The following DCC variants were observed in gnomAD, a reference collection of about 807,000 sequenced individuals.
DCC encodes the protein netrin receptor DCC.
Under a neutral mutation model 172.5 loss-of-function variants are expected in DCC, and 58 were observed. That is an observed-to-expected ratio of 0.34 (90% confidence interval 0.27 to 0.42). The LOEUF (loss-of-function observed/expected upper bound fraction) is 0.42, where lower values mean the gene tolerates loss of function less well. Ranked by LOEUF, DCC falls within the 10% of genes least tolerant of loss-of-function variation. DCC has a pLI of 1.00. For synonymous variants in DCC, 709 were observed against 644.5 expected (o/e 1.10, Z -1.52); for missense variants, 1,740 against 1,791.0 (o/e 0.97, Z 0.51).
intron 22 of DCC, among the ~76,000 whole-genome samples, chr18:53,437,038 C>G (rs1911985445): frequency 6.6e-6 from 1 of 152,174 alleles, no homozygotes; most frequent in African/African-American, 2.4e-5. Context: ...AAGCCTCCAC[C>G]TCTTAATGCC....
At chr18:53,145,540 T>G (rs2043899662) in intron 7 of DCC, among the ~76,000 whole-genome samples, 1 of 138,454 alleles carries the variant, frequency 7.2e-6, no homozygotes, top group African/African-American at 3.2e-5. Context: ...ACATCGACTC[T>G]GATGGTTGGT....
At chr18:53,077,982 A>G (rs953103472) in intron 7 of DCC, among the ~76,000 whole-genome samples, 1 of 152,202 alleles carries the variant, frequency 6.6e-6, no homozygotes, top group African/African-American at 2.4e-5. Context: ...CTTGAGGTGA[A>G]TATCACATAA....
rs1315090418 is a variant in DCC, at chr18:53,529,034, TCTCTCACACACACACACA to T, written c.4255-1528_4255-1511del. On this transcript the variant is annotated intron_variant, in intron 28 of 28. Transcript: ENST00000442544. Reference sequence around the variant, plus strand: ...CTCTCTCTCTCTCTCTCTCTCTCTCTCTCTCACACACACACACACACACACACACACACACACACACAC... The same window carrying T: ...CTCTCTCTCTCTCTCTCTCTCTCTCTCACACACACACACACACACACACAC... 1.7e-4 allele frequency among the ~76,000 whole-genome samples: 11 copies of T among 64,466 alleles called. No homozygotes were observed. In the East Asian group the frequency reaches 2.4e-3, roughly 14 times the overall value. 42.3% of individuals were successfully genotyped at this position (64,466 alleles called of 152,430 possible).
chr18:52,698,482 A>T (rs534870666), intron 1 of DCC, among the ~76,000 whole-genome samples: 1 of 152,136 alleles, frequency 6.6e-6, no homozygotes, highest in South Asian at 2.1e-4. Flanking sequence ...TATTGAGATG[A>T]TTGTCTACAG....
chr18:52,920,236 T>C (rs2145479552), intron 3 of DCC, among the ~76,000 whole-genome samples: 1 of 152,008 alleles, frequency 6.6e-6, no homozygotes, highest in African/African-American at 2.4e-5. Context: ...AATTAAAAAC[T>C]TATCTTCTAC....
intron 1 of DCC, among the ~76,000 whole-genome samples, chr18:52,726,622 G>T (rs568482508): frequency 6.6e-6 from 1 of 152,052 alleles, no homozygotes; most frequent in Non-Finnish European, 1.5e-5. Context: ...TATTGTTTTT[G>T]CATTGAAACC....
intron 1 of DCC, among the ~76,000 whole-genome samples, chr18:52,576,469 C>T (rs1049105524): frequency 6.6e-6 from 1 of 152,188 alleles, no homozygotes; most frequent in African/African-American, 2.4e-5. Context: ...GTTGCCAGCT[C>T]TCAGAACTTA....
intron 1 of DCC, among the ~76,000 whole-genome samples, chr18:52,639,802 C>A (rs2034854603): frequency 6.6e-6 from 1 of 152,056 alleles, no homozygotes; most frequent in African/African-American, 2.4e-5. Flanking sequence ...AGAATTGGTA[C>A]CTATTCTTGT....
At chr18:52,415,010 G>A (rs1396140758) in intron 1 of DCC, among the ~76,000 whole-genome samples, 1 of 152,178 alleles carries the variant, frequency 6.6e-6, no homozygotes, top group Non-Finnish European at 1.5e-5. Context: ...AATAAAATCT[G>A]TGCGTCTACA....
At chr18:53,468,541 C>T (rs1435655917) in intron 25 of DCC, among the ~76,000 whole-genome samples, 1 of 151,900 alleles carries the variant, frequency 6.6e-6, no homozygotes, top group African/African-American at 2.4e-5. Flanking sequence ...CACCACCATG[C>T]CCAGCTAATT....
intron 13 of DCC, among the ~76,000 whole-genome samples, chr18:53,313,989 C>A (rs1205316485): frequency 6.6e-6 from 1 of 152,204 alleles, no homozygotes; most frequent in Non-Finnish European, 1.5e-5. Flanking sequence ...GTGCCAATGT[C>A]AGTTATCACT....
rs541646232 is a variant in DCC at position 53,323,867 on chromosome 18, G to C, written c.2164+1710G>C. On this transcript the variant is annotated intron_variant, in intron 14 of 28. Transcript: ENST00000442544. ...TTTTTAAAGTCAAGACAATGATGCT[G>C]TTTGGGGACTGAAAAAGGCCATCAA... Among the ~76,000 whole-genome samples, 50 of 152,300 alleles carry C rather than the reference G, an allele frequency of 3.3e-4. 2 individuals are homozygous for C. The highest frequency in any genetic ancestry group is 2.2e-3 in the Admixed American group (34 of 15,292).
chr18:53,326,764 A>G (rs1325965111), intron 14 of DCC, among the ~76,000 whole-genome samples: 4 of 135,256 alleles, frequency 3.0e-5, no homozygotes, highest in Non-Finnish European at 6.5e-5. Flanking sequence ...AACACTCTGA[A>G]GTGAGAAATT....
chr18:52,832,448 C>T (rs2038632501), intron 2 of DCC, among the ~76,000 whole-genome samples: 1 of 9,266 alleles, frequency 1.1e-4, no homozygotes, highest in African/African-American at 1.2e-4. Context: ...TACCTGTGCA[C>T]CCTCAAAAAC....
In DCC at chr18:52,929,862, A is replaced by T. The variant is rs987234897; in HGVS notation, c.985+4492A>T. ...CACACACACACACACACACACACAC[A>T]CTCACGTTTGTTTTCTCCATATAAG... On this transcript the variant is annotated intron_variant, in intron 5 of 28. Transcript: ENST00000442544. Among the ~76,000 whole-genome samples, 34 of 129,404 alleles carry T rather than the reference A, an allele frequency of 2.6e-4. No homozygotes were observed. In the East Asian group the frequency reaches 4.3e-3, roughly 16 times the overall value. The allele number at this position is 129,404 out of a possible 152,430, so 84.9% of individuals were successfully genotyped here.
At chr18:52,957,774 A>C (rs547452551) in intron 5 of DCC, among the ~76,000 whole-genome samples, 1 of 152,168 alleles carries the variant, frequency 6.6e-6, no homozygotes, top group African/African-American at 2.4e-5. Context: ...TGTGCGAAGA[A>C]CTCAATAGGA....
chr18:53,282,223 A>G (rs1363074626), intron 12 of DCC, among the ~76,000 whole-genome samples: 2 of 152,132 alleles, frequency 1.3e-5, no homozygotes, highest in Non-Finnish European at 2.9e-5. Flanking sequence ...CTAAAAGCAC[A>G]GGTGTGTTCC....
At chr18:52,754,147 A>G (rs1483552628) in intron 2 of DCC, 2 of 152,190 alleles carry the variant, frequency 1.3e-5, no homozygotes, top group Non-Finnish European at 1.5e-5. Context: ...ATAACAGGAC[A>G]ATTGGGCAGA....
At chr18:52,817,767 C>A (rs2038328433) in intron 2 of DCC, among the ~76,000 whole-genome samples, 4 of 151,808 alleles carry the variant, frequency 2.6e-5, no homozygotes, top group African/African-American at 9.7e-5. Context: ...TTTAGGAAAA[C>A]TCCCAATCTG....
Sources: gnomAD v4.1 joint callset for allele counts (sites outside exome capture counted in the v4.1 genomes callset) on GRCh38, gnomAD v4.1.1 for gene constraint, MANE v1.5 for transcripts, NCBI Gene and HGNC (gene_info 2026-07-23, HGNC 2026-07-21) for gene names.